The following VPS8 variants were observed in gnomAD, a reference collection of about 807,000 sequenced individuals.
VPS8 encodes the protein vacuolar protein sorting-associated protein 8 homolog.
In VPS8, 129 loss-of-function variants were observed where a neutral mutation model predicts 216.4. The observed-to-expected ratio is 0.60, with a 90% confidence interval of 0.52 to 0.69. The LOEUF is 0.69. Ranked by LOEUF, VPS8 falls within the 30% of genes least tolerant of loss-of-function variation. The pLI is 0.00. For synonymous variants in VPS8, 571 were observed against 565.4 expected (o/e 1.01, Z -0.14); for missense variants, 1,531 against 1,683.5 (o/e 0.91, Z 1.59).
chr3:184,889,239 C>T (rs894949315), intron 22 of VPS8, among the ~76,000 whole-genome samples: 1 of 152,032 alleles, frequency 6.6e-6, no homozygotes, highest in African/African-American at 2.4e-5. Context: ...CAACTTCTTT[C>T]CTATAATTTT....
chr3:185,007,682 ATTG>A (rs1754451709), intron 45 of VPS8, among the ~76,000 whole-genome samples: 1 of 152,134 alleles, frequency 6.6e-6, no homozygotes, highest in Non-Finnish European at 1.5e-5. Context: ...TTTATATGGT[ATTG>A]TTCAAAACCA....
chr3:184,853,735 A>T lies in VPS8; in HGVS notation c.822-122A>T, dbSNP rs115208719. 166 of 949,366 alleles carry T rather than the reference A, an allele frequency of 1.7e-4. No individual in the cohort carries two copies. The African/African-American group carries it at 2.5e-3, about 14-fold the overall frequency. 58.8% of individuals were successfully genotyped at this position (949,366 alleles called of 1,614,324 possible). A position where few individuals can be genotyped will look rare whatever the true frequency, so the allele number is the denominator to read the frequency against. ...AAAAGACCATGCTGCTGTCCTGTGGAGCTTGGATTGTTGGGGGTTAAGGAG... is the reference window on the plus strand; with the variant it reads ...AAAAGACCATGCTGCTGTCCTGTGGTGCTTGGATTGTTGGGGGTTAAGGAG... On this transcript the variant is annotated intron_variant, in intron 11 of 47. Transcript: ENST00000625842.
chr3:184,975,779 A>C (rs536703795), intron 40 of VPS8, among the ~76,000 whole-genome samples: 2 of 152,244 alleles, frequency 1.3e-5, no homozygotes, highest in East Asian at 3.9e-4. Context: ...AATTTTGTCA[A>C]ATGCTTTTTC....
intron 28 of VPS8, 79 bp from the exon 29 acceptor site, chr3:184,920,048 T>C: frequency 9.6e-7 from 1 of 1,037,908 alleles, no homozygotes. Context: ...TTGGATTTTA[T>C]TAACAAGAAT....
intron 15 of VPS8, among the ~76,000 whole-genome samples, chr3:184,861,172 C>G (rs1047005582): frequency 1.3e-5 from 2 of 152,080 alleles, no homozygotes; most frequent in Admixed American, 1.3e-4. Flanking sequence ...TTTATTTTTT[C>G]TCTCTCAAAT....
chr3:185,040,269 C>G (rs1346044738), intron 46 of VPS8, among the ~76,000 whole-genome samples: 1 of 152,082 alleles, frequency 6.6e-6, no homozygotes, highest in Non-Finnish European at 1.5e-5. Flanking sequence ...TAGAAGAAGC[C>G]TCTCTCCTCA....
At chr3:184,951,328 T>C (rs1292769196) in intron 36 of VPS8, among the ~76,000 whole-genome samples, 1 of 151,900 alleles carries the variant, frequency 6.6e-6, no homozygotes, top group African/African-American at 2.4e-5. Flanking sequence ...TCTACAAAAA[T>C]ATCAAAAATT....
At chr3:185,003,353 C>T (rs1437093907) in intron 45 of VPS8, among the ~76,000 whole-genome samples, 3 of 146,670 alleles carry the variant, frequency 2.0e-5, no homozygotes, top group Non-Finnish European at 3.0e-5. Flanking sequence ...TTGGTGATGA[C>T]TCTTAACGAG....
chr3:184,945,287 CAATT>C (rs1743483042), intron 36 of VPS8, among the ~76,000 whole-genome samples: 1 of 151,728 alleles, frequency 6.6e-6, no homozygotes, highest in South Asian at 2.1e-4. Context: ...TCTCTCTTAA[CAATT>C]AATATCATAA....
intron 46 of VPS8, among the ~76,000 whole-genome samples, chr3:185,025,163 T>G (rs1450267433): frequency 6.6e-6 from 1 of 152,228 alleles, no homozygotes; most frequent in Non-Finnish European, 1.5e-5. Context: ...GTAAGCTTTG[T>G]GACCACAGAT....
intron 1 of VPS8, among the ~76,000 whole-genome samples, chr3:184,815,045 C>T (rs533541660): frequency 6.6e-6 from 1 of 152,094 alleles, no homozygotes; most frequent in Non-Finnish European, 1.5e-5. Flanking sequence ...TTACTCTAGG[C>T]CTACACAGAG....
intron 36 of VPS8, among the ~76,000 whole-genome samples, chr3:184,956,489 A>G (rs561957159): frequency 6.6e-6 from 1 of 152,340 alleles, no homozygotes; most frequent in East Asian, 1.9e-4. Context: ...TCATTGTTGT[A>G]TCTTATTAAC....
At chr3:184,922,879 A>G (rs1028027693) in intron 29 of VPS8, among the ~76,000 whole-genome samples, 1 of 152,140 alleles carries the variant, frequency 6.6e-6, no homozygotes, top group African/African-American at 2.4e-5. Flanking sequence ...AAGAGAAGAA[A>G]TGGAAAGGAA....
intron 25 of VPS8, among the ~76,000 whole-genome samples, chr3:184,905,808 A>G (rs1735395308): frequency 6.6e-6 from 1 of 152,164 alleles, no homozygotes; most frequent in Non-Finnish European, 1.5e-5. Flanking sequence ...CAACTTCATT[A>G]GTAATGTAAG....
chr3:185,031,834 G>C (rs1001191202), intron 46 of VPS8, among the ~76,000 whole-genome samples: 1 of 152,176 alleles, frequency 6.6e-6, no homozygotes, highest in Non-Finnish European at 1.5e-5. Context: ...TAGATCCCTT[G>C]AAGCATTAAA....
chr3:184,833,806 C>G (rs746842836), intron 4 of VPS8, among the ~76,000 whole-genome samples: 1 of 152,188 alleles, frequency 6.6e-6, no homozygotes, highest in Non-Finnish European at 1.5e-5. Context: ...GTCATCTTCT[C>G]TTTTCTATAG....
chr3:184,946,083 G>A (rs1743624071), intron 36 of VPS8, among the ~76,000 whole-genome samples: 1 of 152,218 alleles, frequency 6.6e-6, no homozygotes, highest in African/African-American at 2.4e-5. Flanking sequence ...ATCTATAGGA[G>A]CAGTTGGGGA....
At chr3:184,923,706 CT>C (rs1430403025) in intron 29 of VPS8, among the ~76,000 whole-genome samples, 4 of 152,150 alleles carry the variant, frequency 2.6e-5, no homozygotes, top group Non-Finnish European at 5.9e-5. Context: ...CTGCATGCTG[CT>C]GCATTCTAAT....
chr3:184,999,646 A>G, intron 44 of VPS8, 50 bp from the exon 45 acceptor site: 1 of 1,544,662 alleles, frequency 6.5e-7, no homozygotes, highest in Non-Finnish European at 8.7e-7. Context: ...GCTTATATTT[A>G]TGGATTTTGT....
Sources: allele counts gnomAD v4.1 joint callset (sites outside exome capture counted in the v4.1 genomes callset), GRCh38; gene constraint gnomAD v4.1.1; transcripts MANE v1.5; gene names NCBI Gene and HGNC (gene_info 2026-07-23, HGNC 2026-07-21).